SALL1: variants seen among roughly 807,000 people sequenced by gnomAD.
The protein encoded by SALL1 is sal-like protein 1.
SALL1 carries 10 observed loss-of-function variants against 73.1 expected under a neutral mutation model. The observed-to-expected ratio is 0.14, with a 90% CI of 0.08 to 0.23. The LOEUF is 0.23. Among genes scored for constraint, SALL1 ranks in the 10% least tolerant of loss-of-function variants. The pLI, the probability that SALL1 is intolerant of heterozygous loss-of-function variation, is 1.00. For missense variants in SALL1, 1,520 were observed against 1,697.3 expected, an observed-to-expected ratio of 0.90 and a Z score of 1.84; for synonymous variants, 688 against 689.8, an observed-to-expected ratio of 1.00 and a Z score of 0.04.
At position 51,140,574 on chromosome 16, in the gene SALL1, T is replaced by C; in HGVS notation, c.1648A>G (p.Thr550Ala). 1 of 1,613,812 alleles carries C rather than the reference T, an allele frequency of 6.2e-7. No individual in the cohort carries two copies. The highest frequency in any genetic ancestry group is 8.5e-7 in the Non-Finnish European group (1 of 1,179,898). ...SWLDTKPVLP[T>A]LTTSVGLPLP... is the part of the protein sequence containing the mutation. Reference sequence around the variant, plus strand: ...GGCAGGCCGACTGAAGTGGTCAGAGTAGGCAGGACTGGTTTGGTGTCTAGC... The same window carrying C: ...GGCAGGCCGACTGAAGTGGTCAGAGCAGGCAGGACTGGTTTGGTGTCTAGC... The change falls in exon 2 of 3, where the codon ACT (threonine) becomes GCT (alanine). Residue 550 changes from threonine to alanine, a missense_variant. Thr to Ala is a moderately conservative substitution (Grantham distance 58). Coordinates refer to ENST00000251020, the MANE Select transcript of SALL1 (RefSeq NM_002968.3). The surrounding 1 kb of genome is among the most constrained non-coding windows in gnomAD (Gnocchi z 5.7).
At chr16:51,145,098 TAAA>T (rs3037182) in intron 1 of SALL1, among the ~76,000 whole-genome samples, 4 of 145,844 alleles carry the variant, frequency 2.7e-5, no homozygotes, top group Admixed American at 6.8e-5. Flanking sequence ...GTCTTTTACT[TAAA>T]AAAAAAAAAA....
Position 51,140,159 on chromosome 16 carries a change from G to C in SALL1, c.2063C>G (p.Thr688Arg). The C allele has an allele frequency of 6.2e-7, 1 of 1,614,136 alleles. No homozygotes were observed. Among genetic ancestry groups the C allele is most frequent in the Non-Finnish European group, 8.5e-7 (1 of 1,180,028 alleles). Reference protein sequence around the residue: ...GLLDSAQASETSKLQQLVENI... With the variant: ...GLLDSAQASERSKLQQLVENI... ...TTCTACCAGTTGCTGAAGCTTGGACGTCTCTGATGCCTGAGCTGAGTCCAG... is the reference window on the plus strand; with the variant it reads ...TTCTACCAGTTGCTGAAGCTTGGACCTCTCTGATGCCTGAGCTGAGTCCAG... Residue 688 changes from threonine (T) to arginine (R), a missense_variant, in exon 2 of 3, where the codon ACG (threonine) becomes AGG (arginine). Physicochemically the swap from Thr to Arg is moderately conservative, Grantham distance 71. Around this residue, in one of 7 missense-constraint regions of SALL1, gnomAD observed 276 missense variants for 259.1 expected, o/e 1.07. Transcript: ENST00000251020. The surrounding 1 kb of genome is among the most constrained non-coding windows in gnomAD (Gnocchi z 5.7).
intron 1 of SALL1, among the ~76,000 whole-genome samples, chr16:51,147,204 T>A (rs965164314): frequency 6.6e-6 from 1 of 152,268 alleles, no homozygotes; most frequent in Non-Finnish European, 1.5e-5. Flanking sequence ...GGAAATGTGA[T>A]GTAAAATAAA....
At chr16:51,150,506 C>G (rs1430634266) in intron 1 of SALL1, 1 of 985,740 alleles carries the variant, frequency 1.0e-6, no homozygotes, top group Non-Finnish European at 1.2e-6. Context: ...TGGCGGCCAG[C>G]AGCACTCTCC....
intron 1 of SALL1, among the ~76,000 whole-genome samples, chr16:51,146,758 G>A (rs1249098335): frequency 6.6e-6 from 1 of 152,182 alleles, no homozygotes; most frequent in Non-Finnish European, 1.5e-5. Context: ...GCTAGCAAAG[G>A]TTAAAACAGC....
At chr16:51,151,140 T>A in intron 1 of SALL1, 26 bp downstream of exon 1, 1 of 1,561,192 alleles carries the variant, frequency 6.4e-7, no homozygotes, top group Non-Finnish European at 8.7e-7. Flanking sequence ...TGTGTGTGTG[T>A]CCACGGCGCG....
intron 2 of SALL1, among the ~76,000 whole-genome samples, chr16:51,138,456 T>C (rs1383645271): frequency 6.6e-6 from 1 of 152,142 alleles, no homozygotes; most frequent in African/African-American, 2.4e-5. Flanking sequence ...AATTATTCAA[T>C]GTGCACTGAC....
chr16:51,137,008 G>T lies in SALL1; in HGVS notation c.*104C>A. The T allele has an allele frequency of 2.3e-6, 2 of 873,546 alleles. No homozygotes were observed. Among genetic ancestry groups the T allele is most frequent in the African/African-American group, 2.1e-5 (1 of 46,776 alleles). 54.1% of individuals were successfully genotyped at this position (873,546 alleles called of 1,614,324 possible). A position where few individuals can be genotyped will look rare whatever the true frequency, so the allele number is the denominator to read the frequency against. ...TAATGTTGTAGTTCATAGATCTGGG[G>T]AACAGAAGGAAGGGGCGGGGCGGGG... On this transcript the variant is annotated 3_prime_UTR_variant, in exon 3 of 3. Transcript: ENST00000251020.
At position 51,137,362 on chromosome 16, in the gene SALL1, G is replaced by C. The variant is rs758168016; in HGVS notation, c.3725C>G (p.Ser1242Cys). 73 of 1,614,042 alleles carry C rather than the reference G, an allele frequency of 4.5e-5. No individual in the cohort carries two copies. The highest frequency in any genetic ancestry group is 5.7e-5 in the Non-Finnish European group (67 of 1,180,032). The change falls in exon 3 of 3, where the codon TCC (serine) becomes TGC (cysteine). Residue 1242 changes from serine (S) to cysteine (C), a missense_variant. This residue lies in a region of SALL1 where 318 missense variants were observed against 357.1 expected (regional missense o/e 0.89). Coordinates refer to ENST00000251020, the MANE Select transcript of SALL1 (RefSeq NM_002968.3). ...SFWNQYAAAL[S>C]NGLAMKANEI... ...GTTGGCCTTCATCGCCAGCCCGTTG[G>C]AGAGCGCTGCTGCATACTGATTCCA... is the stretch of plus-strand genomic sequence containing the variant.
chr16:51,142,076 C>T lies in SALL1; in HGVS notation c.146G>A (p.Cys49Tyr), dbSNP rs1962449806. ...SKDAHVCGRCCAEFFELSDLL... is the reference protein window; with the variant it reads ...SKDAHVCGRCYAEFFELSDLL... Reference sequence around the variant, plus strand: ...ATCTGATAATTCAAAGAACTCGGCACAGCACCGGCCACAGACGTGGGCATC... The same window carrying T: ...ATCTGATAATTCAAAGAACTCGGCATAGCACCGGCCACAGACGTGGGCATC... The change falls in exon 2 of 3, where the codon TGT becomes TAT. Residue 49 changes from cysteine (C) to tyrosine (Y), a missense_variant. By Grantham distance (194) the Cys-to-Tyr change is radical. Transcript: ENST00000251020. 1 of 1,613,964 alleles carries T rather than the reference C, an allele frequency of 6.2e-7. No individual in the cohort carries two copies. Among genetic ancestry groups the T allele is most frequent in the Non-Finnish European group, 8.5e-7 (1 of 1,180,022 alleles).
chr16:51,136,535 T>C lies in SALL1; in HGVS notation c.*577A>G, dbSNP rs1962303019. On this transcript the variant is annotated 3_prime_UTR_variant, in exon 3 of 3. Coordinates refer to ENST00000251020, the MANE Select transcript of SALL1 (RefSeq NM_002968.3). Reference sequence around the variant, plus strand: ...ATGGTTAAATCGACAAAAAAAAAGGTTGAATTTTAGAATAAAAATTAAAAA... The same window carrying C: ...ATGGTTAAATCGACAAAAAAAAAGGCTGAATTTTAGAATAAAAATTAAAAA... 6.5e-6 allele frequency: 1 copy of C among 152,902 alleles called. No homozygotes were observed. Among genetic ancestry groups the C allele is most frequent in the African/African-American group, 2.4e-5 (1 of 41,442 alleles). 9.5% of individuals were successfully genotyped at this position (152,902 alleles called of 1,614,324 possible).
At position 51,139,130 on chromosome 16, in the gene SALL1, C is replaced by T; in HGVS notation, c.3092G>A (p.Cys1031Tyr). The T allele has an allele frequency of 6.2e-7, 1 of 1,614,188 alleles. No individual in the cohort carries two copies. Among genetic ancestry groups the T allele is most frequent in the Non-Finnish European group, 8.5e-7 (1 of 1,180,030 alleles). ...GGAAAAGCCACGATTGCAAACTGTG[C>T]AAATAAATGGTCTCTCTTTGGTATG... ...RSHTKERPFI[C>Y]TVCNRGFSTK... is the part of the protein sequence containing the mutation. Residue 1031 changes from cysteine (C) to tyrosine (Y), a missense_variant, in exon 2 of 3, where the codon TGC becomes TAC. By Grantham distance (194) the Cys-to-Tyr change is radical. Transcript: ENST00000251020.
chr16:51,151,306 G>T, upstream of SALL1: 4 of 1,278,340 alleles, frequency 3.1e-6, no homozygotes, highest in South Asian at 7.8e-5. Flanking sequence ...TCAAAATTAC[G>T]GAAATCGAGC....
intron 1 of SALL1, among the ~76,000 whole-genome samples, chr16:51,150,006 G>A (rs1173098503): frequency 6.6e-6 from 1 of 152,162 alleles, no homozygotes; most frequent in Non-Finnish European, 1.5e-5. Context: ...GCATCGTGCC[G>A]GGACGACCCG....
chr16:51,148,307 C>T (rs952610552), intron 1 of SALL1, among the ~76,000 whole-genome samples: 2 of 152,192 alleles, frequency 1.3e-5, no homozygotes, highest in African/African-American at 4.8e-5. Flanking sequence ...TTCTTTAGGG[C>T]TCCTGTAACT....
In SALL1 at chr16:51,141,747, TG is replaced by T; in HGVS notation, c.474del (p.Ser158ArgfsTer25). 1 of 1,245,528 alleles carries T rather than the reference TG, an allele frequency of 8.0e-7. No individual in the cohort carries two copies. Among genetic ancestry groups the T allele is most frequent in the Admixed American group, 2.3e-5 (1 of 44,128 alleles). 77.2% of individuals were successfully genotyped at this position (1,245,528 alleles called of 1,614,324 possible). On this transcript the variant is annotated frameshift_variant, in exon 2 of 3. Coordinates refer to ENST00000251020, the MANE Select transcript of SALL1 (RefSeq NM_002968.3). LOFTEE classifies it high-confidence loss of function. The surrounding 1 kb of genome is among the most constrained non-coding windows in gnomAD (Gnocchi z 5.4). ...GTGGAGGAGCTGCCGCCGCCGCCGCTGCTGCTGCTGCTGCTGCTGCTGCTGC... is the reference window on the plus strand; with the variant it reads ...GTGGAGGAGCTGCCGCCGCCGCCGCTCTGCTGCTGCTGCTGCTGCTGCTGC... ...APSSSSSSSS[S>X]SGGGGSSSTG...
chr16:51,143,404 G>A lies in SALL1; in HGVS notation c.77-1259C>T, dbSNP rs1168489910. Reference sequence around the variant, plus strand: ...GTACAAATGGTGTGTGGTCATCTACGAAGGCTGTGAAGAAAAAAAAAAAAC... The same window carrying A: ...GTACAAATGGTGTGTGGTCATCTACAAAGGCTGTGAAGAAAAAAAAAAAAC... On this transcript the variant is annotated intron_variant, in intron 1 of 2. Transcript: ENST00000251020. The A allele has an allele frequency of 9.6e-5, 25 of 261,444 alleles. No individual in the cohort carries two copies. In the Admixed American group the frequency reaches 1.2e-3, roughly 13 times the overall value. The allele number at this position is 261,444 out of a possible 1,614,324, so 16.2% of individuals were successfully genotyped here.
Position 51,137,047 on chromosome 16 carries a change from G to A in SALL1, c.*65C>T. ...GGCGGGGCGGGGTGGGGGGCAAGGA[G>A]TAGGAGGCCACCATAGGTCGCATTC... On this transcript the variant is annotated 3_prime_UTR_variant, in exon 3 of 3. Transcript: ENST00000251020. The A allele has an allele frequency of 6.7e-7, 1 of 1,501,912 alleles. No homozygotes were observed. The highest frequency in any genetic ancestry group is 9.2e-7 in the Non-Finnish European group (1 of 1,086,068). 93.0% of individuals were successfully genotyped at this position (1,501,912 alleles called of 1,614,324 possible). A position where few individuals can be genotyped will look rare whatever the true frequency, so the allele number is the denominator to read the frequency against.
At chr16:51,145,681 T>C (rs1962505955) in intron 1 of SALL1, among the ~76,000 whole-genome samples, 1 of 152,140 alleles carries the variant, frequency 6.6e-6, no homozygotes, top group South Asian at 2.1e-4. Flanking sequence ...AAGCAGAAAA[T>C]TGAAGTGTTC....
Sources: gnomAD v4.1 joint callset for allele counts (sites outside exome capture counted in the v4.1 genomes callset) on GRCh38, gnomAD v4.1.1 for gene constraint, gnomAD v4.1.1 regional missense constraint, Gnocchi (gnomAD v3.1) non-coding constraint, MANE v1.5 for transcripts, NCBI Gene and HGNC (gene_info 2026-07-23, HGNC 2026-07-21) for gene names.